ETV6: variants seen among roughly 807,000 people sequenced by gnomAD.
ETV6 encodes the protein ETS variant transcription factor 6, also known as transcription factor ETV6.
ETV6 carries 16 observed loss-of-function variants against 51.1 expected under a neutral mutation model. The observed-to-expected ratio is 0.31, with a 90% CI of 0.21 to 0.48. ETV6 has a LOEUF of 0.48. Ranked by LOEUF, ETV6 falls within the 20% of genes least tolerant of loss-of-function variation. ETV6 has a pLI of 0.99. For missense variants in ETV6, 458 were observed against 594.8 expected (o/e 0.77, Z 2.39); for synonymous variants, 240 against 224.1 (o/e 1.07, Z -0.64).
At chr12:11,783,462 T>C (rs1212289061) in intron 2 of ETV6, among the ~76,000 whole-genome samples, 2 of 152,142 alleles carry the variant, frequency 1.3e-5, no homozygotes, top group Non-Finnish European at 2.9e-5. Flanking sequence ...AAAGTGATTA[T>C]AGATGACTCT....
intron 1 of ETV6, among the ~76,000 whole-genome samples, chr12:11,674,061 A>G (rs750766806): frequency 9.9e-5 from 15 of 152,222 alleles, no homozygotes; most frequent in Non-Finnish European, 1.8e-4. Flanking sequence ...ATCGTAATGC[A>G]TATTTGACAC....
intron 1 of ETV6, among the ~76,000 whole-genome samples, chr12:11,700,142 G>A (rs59954591): frequency 1.2e-3 from 185 of 152,270 alleles, no homozygotes; most frequent in African/African-American, 4.2e-3. Context: ...TGACTGAATC[G>A]AGTGAAAGGT....
intron 2 of ETV6, among the ~76,000 whole-genome samples, chr12:11,763,113 CG>C (rs1945114569): frequency 6.6e-6 from 1 of 152,170 alleles, no homozygotes; most frequent in African/African-American, 2.4e-5. Context: ...TGAACAAAGT[CG>C]GGGAGAAAAT....
At position 11,895,250 on chromosome 12, in the gene ETV6, G is replaced by A. The variant is rs1409455148; in HGVS notation, c.*4204G>A. On this transcript the variant is annotated 3_prime_UTR_variant, in exon 8 of 8. Transcript: ENST00000396373. ...CTAATCTCTTGTTTATGAGGTGTGG[G>A]GTTTATAAGGGACTGAATCAAATGA... 4.3e-6 allele frequency: 1 copy of A among 230,018 alleles called. No individual in the cohort carries two copies. The highest frequency in any genetic ancestry group is 2.2e-5 in the African/African-American group (1 of 44,690). 14.2% of individuals were successfully genotyped at this position (230,018 alleles called of 1,614,324 possible).
intron 1 of ETV6, among the ~76,000 whole-genome samples, chr12:11,661,139 C>G (rs1316685761): frequency 6.6e-6 from 1 of 152,004 alleles, no homozygotes; most frequent in African/African-American, 2.4e-5. Context: ...ACAGGTGCAC[C>G]ACCTTGCCTG....
chr12:11,764,587 G>A (rs569853676), intron 2 of ETV6, among the ~76,000 whole-genome samples: 14 of 152,288 alleles, frequency 9.2e-5, no homozygotes, highest in African/African-American at 2.4e-4. Context: ...GGATGATCAC[G>A]TTTGATCGTA....
chr12:11,736,217 T>C (rs1201207903), intron 1 of ETV6, among the ~76,000 whole-genome samples: 1 of 152,244 alleles, frequency 6.6e-6, no homozygotes. Flanking sequence ...TACAAAGGTC[T>C]TCAGATCATT....
intron 3 of ETV6, among the ~76,000 whole-genome samples, chr12:11,847,275 C>T (rs978224156): frequency 6.6e-6 from 1 of 152,172 alleles, no homozygotes; most frequent in African/African-American, 2.4e-5. Flanking sequence ...TAAGAAACAC[C>T]ATCTCATCTG....
At chr12:11,731,523 TAAGAA>T (rs1183608938) in intron 1 of ETV6, among the ~76,000 whole-genome samples, 50 of 152,296 alleles carry the variant, frequency 3.3e-4, no homozygotes, top group Non-Finnish European at 6.5e-4. Context: ...CTGTTATTCT[TAAGAA>T]GAGAAGAGAA....
At chr12:11,864,173 T>C (rs1442858290) in intron 4 of ETV6, among the ~76,000 whole-genome samples, 1 of 152,208 alleles carries the variant, frequency 6.6e-6, no homozygotes, top group Non-Finnish European at 1.5e-5. Context: ...GGACATTACA[T>C]CAGTTCCTCC....
At chr12:11,700,638 G>A (rs1864961541) in intron 1 of ETV6, among the ~76,000 whole-genome samples, 1 of 152,030 alleles carries the variant, frequency 6.6e-6, no homozygotes, top group African/African-American at 2.4e-5. Context: ...AGTACAGTAA[G>A]CTAAAGAAAA....
intron 1 of ETV6, among the ~76,000 whole-genome samples, chr12:11,659,015 C>G (rs148538155): frequency 5.1e-4 from 78 of 152,338 alleles, no homozygotes; most frequent in Middle Eastern, 6.8e-3. Flanking sequence ...CATCAATTCT[C>G]CAGTCTGCTT....
At chr12:11,650,277 T>C in intron 1 of ETV6, 117 bp downstream of exon 1, 1 of 935,520 alleles carries the variant, frequency 1.1e-6, no homozygotes, top group East Asian at 2.4e-5. Context: ...CAGGAAATTA[T>C]TTGGGGCGAG....
chr12:11,790,625 C>G (rs1347499808), intron 2 of ETV6, among the ~76,000 whole-genome samples: 5 of 148,558 alleles, frequency 3.4e-5, no homozygotes, highest in Non-Finnish European at 7.4e-5. Context: ...TTCTTTTAAT[C>G]TTTCATATAA....
At chr12:11,668,502 T>C (rs1023414489) in intron 1 of ETV6, among the ~76,000 whole-genome samples, 5 of 152,280 alleles carry the variant, frequency 3.3e-5, no homozygotes, top group African/African-American at 1.2e-4. Context: ...AGATTAGGGC[T>C]GTAGAGGAAC....
At chr12:11,720,575 A>T (rs1865364184) in intron 1 of ETV6, among the ~76,000 whole-genome samples, 2 of 152,318 alleles carry the variant, frequency 1.3e-5, no homozygotes, top group African/African-American at 4.8e-5. Flanking sequence ...TACAAAAATT[A>T]ACTCAAGATG....
intron 1 of ETV6, among the ~76,000 whole-genome samples, chr12:11,725,893 G>A (rs1436829900): frequency 6.6e-6 from 1 of 152,150 alleles, no homozygotes; most frequent in Non-Finnish European, 1.5e-5. Flanking sequence ...CAGATGCTAG[G>A]GCCATGCTTC....
chr12:11,743,848 A>G (rs941915478), intron 1 of ETV6, among the ~76,000 whole-genome samples: 2 of 152,198 alleles, frequency 1.3e-5, no homozygotes, highest in African/African-American at 4.8e-5. Context: ...AAAGAAGGAC[A>G]CAAAAAAGAG....
rs66610011 is a variant in ETV6, at chr12:11,668,400, GT to G, written c.33+18252del. 1.1e-3 allele frequency among the ~76,000 whole-genome samples: 151 copies of G among 135,348 alleles called. 1 individual carries two copies. Among genetic ancestry groups the G allele is most frequent in the Admixed American group, 9.2e-3 (119 of 12,918 alleles). The allele number at this position is 135,348 out of a possible 152,430, so 88.8% of individuals were successfully genotyped here. A position where few individuals can be genotyped will look rare whatever the true frequency, so the allele number is the denominator to read the frequency against. ...TTGGTAAAGGACTTCGCACTGTTTT[GT>G]TTTTTTTTTTTAAATTGATGTGGCA... On this transcript the variant is annotated intron_variant, in intron 1 of 7. Transcript: ENST00000396373.
Sources: gnomAD v4.1 joint callset for allele counts (sites outside exome capture counted in the v4.1 genomes callset) on GRCh38, gnomAD v4.1.1 for gene constraint, MANE v1.5 for transcripts, NCBI Gene and HGNC (gene_info 2026-07-23, HGNC 2026-07-21) for gene names.